WDR27: variants seen among roughly 807,000 people sequenced by gnomAD.
WDR27 encodes WD repeat-containing protein 27.
Under a neutral mutation model 114.4 loss-of-function variants are expected in WDR27, and 100 were observed. That is an observed-to-expected ratio of 0.87 (90% CI 0.74 to 1.03). WDR27 has a LOEUF of 1.03. Among genes scored for constraint, WDR27 ranks in the 50% least tolerant of loss-of-function variants. WDR27 has a pLI of 0.00. For synonymous variants in WDR27, 449 were observed against 423.1 expected, an observed-to-expected ratio of 1.06 and a Z score of -0.75; for missense variants, 1,129 against 1,092.9, an observed-to-expected ratio of 1.03 and a Z score of -0.47.
chr6:169,513,238 AGT>A lies in WDR27; in HGVS notation c.2646-55606_2646-55605del, dbSNP rs1460288321. Among the ~76,000 whole-genome samples, 6 of 152,322 alleles carry A rather than the reference AGT, an allele frequency of 3.9e-5. No homozygotes were observed. The East Asian group carries it at 1.2e-3, about 29-fold the overall frequency. On this transcript the variant is annotated intron_variant, in intron 25 of 25. Transcript: ENST00000448612. ...GGCCTCAGTGAGGTGGGCCCCTCAC[AGT>A]GCAGCTCAGTTTCCAAGAGAGAATG...
At chr6:169,488,731 A>T (rs900534874) in intron 25 of WDR27, among the ~76,000 whole-genome samples, 1 of 152,214 alleles carries the variant, frequency 6.6e-6, no homozygotes, top group Non-Finnish European at 1.5e-5. Context: ...AAGGGGACAC[A>T]GACAGCACTG....
Position 169,659,856 on chromosome 6 carries a change from G to C in WDR27, c.1130-338C>G, listed in dbSNP as rs1825529901. Among the ~76,000 whole-genome samples, 1 of 152,040 alleles carries C rather than the reference G, an allele frequency of 6.6e-6. No homozygotes were observed. The highest frequency in any genetic ancestry group is 1.5e-5 in the Non-Finnish European group (1 of 68,010). ...AGATCAGAAAGGAAATGTGTAATTAGAGCTGTGACCATTTGGGGGAAGGAA... is the reference window on the plus strand; with the variant it reads ...AGATCAGAAAGGAAATGTGTAATTACAGCTGTGACCATTTGGGGGAAGGAA... On this transcript the variant is annotated intron_variant, in intron 10 of 25. Transcript: ENST00000448612. The surrounding 1 kb of genome is among the most constrained non-coding windows in gnomAD (Gnocchi z 4.3).
intron 25 of WDR27, among the ~76,000 whole-genome samples, chr6:169,549,646 T>A (rs547321956): frequency 6.6e-6 from 1 of 152,284 alleles, no homozygotes; most frequent in African/African-American, 2.4e-5. Context: ...GGTGAACTGA[T>A]AAATAAAACT....
chr6:169,626,463 T>C (rs2143135), intron 21 of WDR27, among the ~76,000 whole-genome samples: 147,239 of 152,212 alleles, frequency 0.97, 71,245 homozygotes, highest in African/African-American at 0.99. Flanking sequence ...GGGGGTCAGG[T>C]CCAGGCCCCT....
At chr6:169,595,617 T>G (rs1229308095) in intron 23 of WDR27, among the ~76,000 whole-genome samples, 1 of 152,168 alleles carries the variant, frequency 6.6e-6, no homozygotes, top group African/African-American at 2.4e-5. Flanking sequence ...TCTAGTTATA[T>G]TCTCACATCT....
chr6:169,434,406 TTC>T, the WDR27 span, among the ~76,000 whole-genome samples: 1 of 152,222 alleles, frequency 6.6e-6, no homozygotes, highest in African/African-American at 2.4e-5. Context: ...GTGGTTTTAT[TTC>T]TGAGGTCTCT....
chr6:169,500,853 A>G (rs1026444925), intron 25 of WDR27, among the ~76,000 whole-genome samples: 2 of 152,220 alleles, frequency 1.3e-5, no homozygotes, highest in African/African-American at 2.4e-5. Context: ...CCAAACAGCC[A>G]CGCGAGCTGC....
chr6:169,518,905 G>A (rs1387945987), intron 25 of WDR27, among the ~76,000 whole-genome samples: 1 of 152,172 alleles, frequency 6.6e-6, no homozygotes, highest in Non-Finnish European at 1.5e-5. Flanking sequence ...GAAGCAGCCA[G>A]GCCACATCTT....
At chr6:169,678,159 A>C (rs1449132718) in intron 2 of WDR27, among the ~76,000 whole-genome samples, 1 of 152,220 alleles carries the variant, frequency 6.6e-6, no homozygotes, top group Non-Finnish European at 1.5e-5. Flanking sequence ...CAGATATTCC[A>C]GCAGCTTACA....
intron 24 of WDR27, among the ~76,000 whole-genome samples, chr6:169,577,363 C>T (rs1006248252): frequency 3.5e-4 from 53 of 152,322 alleles, no homozygotes; most frequent in Admixed American, 3.5e-3. Flanking sequence ...CACCACGGTC[C>T]GGGCATCTGC....
chr6:169,505,706 TAAG>T (rs1391501304), intron 25 of WDR27, among the ~76,000 whole-genome samples: 2 of 152,220 alleles, frequency 1.3e-5, no homozygotes, highest in Non-Finnish European at 2.9e-5. Flanking sequence ...CACTGAAGTT[TAAG>T]AAGTGCTGGC....
chr6:169,619,945 C>T (rs890817355), intron 21 of WDR27, among the ~76,000 whole-genome samples: 4 of 152,090 alleles, frequency 2.6e-5, no homozygotes, highest in Non-Finnish European at 4.4e-5. Context: ...AGGGCCATTT[C>T]GACATATGGC....
At chr6:169,576,917 C>A (rs1179334450) in intron 24 of WDR27, among the ~76,000 whole-genome samples, 1 of 151,826 alleles carries the variant, frequency 6.6e-6, no homozygotes, top group Non-Finnish European at 1.5e-5. Flanking sequence ...AAGATGGTAA[C>A]TTTCCTCAAG....
Position 169,672,377 on chromosome 6 carries a change from T to A in WDR27, c.209A>T (p.His70Leu). The change falls in exon 3 of 26, where the codon CAC becomes CTC. Residue 70 changes from histidine (H) to leucine (L), a missense_variant. His to Leu is a moderately conservative substitution (Grantham distance 99). Coordinates refer to ENST00000448612, the MANE Select transcript of WDR27 (RefSeq NM_182552.5). ...PSHQLLILRGHHQPITAMAFG... is the reference protein window; with the variant it reads ...PSHQLLILRGLHQPITAMAFG... ...AGCCATAGCAGTAATTGGCTGATGG[T>A]GTCCTCGTAGGATTAGAAGCTGGGA... 1 of 1,607,904 alleles carries A rather than the reference T, an allele frequency of 6.2e-7. No homozygotes were observed. Among genetic ancestry groups the A allele is most frequent in the Non-Finnish European group, 8.5e-7 (1 of 1,176,698 alleles).
intron 25 of WDR27, among the ~76,000 whole-genome samples, chr6:169,552,379 T>C (rs555110941): frequency 5.9e-5 from 9 of 152,312 alleles, no homozygotes; most frequent in Non-Finnish European, 5.9e-5. Flanking sequence ...CCACGAGGAC[T>C]TTCAGCCTGT....
In WDR27 at chr6:169,674,297, A is replaced by G. The variant is rs568299755; in HGVS notation, c.190-1901T>C. 2.0e-5 allele frequency among the ~76,000 whole-genome samples: 3 copies of G among 152,348 alleles called. No individual in the cohort carries two copies. The South Asian group carries it at 6.2e-4, about 32-fold the overall frequency. On this transcript the variant is annotated intron_variant, in intron 2 of 25. Transcript: ENST00000448612. ...TTGAAACCAAACTAAAACTGATCCAAATGTTAGAATTACTAGACAAGAACA... is the reference window on the plus strand; with the variant it reads ...TTGAAACCAAACTAAAACTGATCCAGATGTTAGAATTACTAGACAAGAACA...
At chr6:169,545,460 C>T (rs1258711615) in intron 25 of WDR27, among the ~76,000 whole-genome samples, 1 of 152,168 alleles carries the variant, frequency 6.6e-6, no homozygotes, top group Non-Finnish European at 1.5e-5. Flanking sequence ...CTTTGGGAGG[C>T]CAAAGCGGGT....
At chr6:169,435,797 CT>C in the WDR27 span, among the ~76,000 whole-genome samples, 1 of 152,108 alleles carries the variant, frequency 6.6e-6, no homozygotes, top group Non-Finnish European at 1.5e-5. Flanking sequence ...TGAGTTAATA[CT>C]GAAATGAGTT....
chr6:169,557,377 A>G (rs1383067300), intron 25 of WDR27, among the ~76,000 whole-genome samples: 1 of 152,220 alleles, frequency 6.6e-6, no homozygotes, highest in Admixed American at 6.5e-5. Context: ...TGGAGAGTGG[A>G]AATGAGGACT....
Sources: allele counts gnomAD v4.1 joint callset (sites outside exome capture counted in the v4.1 genomes callset), GRCh38; gene constraint gnomAD v4.1.1; non-coding constraint Gnocchi (gnomAD v3.1); transcripts MANE v1.5; gene names NCBI Gene and HGNC (gene_info 2026-07-23, HGNC 2026-07-21).